OSCP1: variants seen among roughly 807,000 people sequenced by gnomAD.
OSCP1 encodes protein OSCP1.
Under a neutral mutation model 45.1 loss-of-function variants are expected in OSCP1, and 35 were observed. The ratio of observed to expected loss-of-function variants is 0.78; its 90% CI spans 0.59 to 1.03. OSCP1 has a LOEUF of 1.03. OSCP1 is among the 50% of genes least tolerant of loss of function. The pLI is 0.00. For synonymous variants in OSCP1, 179 were observed against 180.1 expected (o/e 0.99, Z 0.05); for missense variants, 400 against 470.7 (o/e 0.85, Z 1.39).
chr1:36,424,625 G>A (rs1647855367), intron 4 of OSCP1, among the ~76,000 whole-genome samples: 2 of 152,180 alleles, frequency 1.3e-5, no homozygotes, highest in Admixed American at 6.5e-5. Context: ...ATGGGGCTGG[G>A]GCAGGGGGAT....
In OSCP1 at chr1:36,419,249, C is replaced by T. The variant is rs146606286; in HGVS notation, c.960-195G>A. On this transcript the variant is annotated intron_variant, in intron 8 of 9. Coordinates refer to ENST00000235532, the MANE Select transcript of OSCP1 (RefSeq NM_145047.5). ...GTTCTTTTATCTCTCTGTGACTTTG[C>T]ACATTATAAGCCCTGCCAAGAATGT... 7.5e-4 allele frequency: 445 copies of T among 589,448 alleles called. 1 individual carries two copies. The highest frequency in any genetic ancestry group is 7.4e-3 in the African/African-American group (399 of 53,682). The allele number at this position is 589,448 out of a possible 1,614,324, so 36.5% of individuals were successfully genotyped here.
At chr1:36,446,087 A>C (rs1346469698) in intron 1 of OSCP1, among the ~76,000 whole-genome samples, 1 of 151,302 alleles carries the variant, frequency 6.6e-6, no homozygotes, top group Non-Finnish European at 1.5e-5. Context: ...CAGTGGCGTG[A>C]TCTCAGCTCA....
intron 1 of OSCP1, among the ~76,000 whole-genome samples, chr1:36,445,019 A>C (rs1273773375): frequency 1.3e-5 from 2 of 152,174 alleles, no homozygotes; most frequent in East Asian, 3.9e-4. Flanking sequence ...TAGAAGAACC[A>C]CCCCTAGATA....
chr1:36,419,810 TTTTG>T (rs1416562167), intron 8 of OSCP1, among the ~76,000 whole-genome samples: 1 of 152,154 alleles, frequency 6.6e-6, no homozygotes, highest in Admixed American at 6.5e-5. Context: ...TCTTTTTTTG[TTTTG>T]TTTATTATCA....
At chr1:36,422,514 C>T (rs1647702227) in intron 6 of OSCP1, among the ~76,000 whole-genome samples, 1 of 152,168 alleles carries the variant, frequency 6.6e-6, no homozygotes, top group African/African-American at 2.4e-5. Context: ...TCCACTGCAA[C>T]ACAGATTTTG....
chr1:36,442,094 G>T (rs140412267), intron 1 of OSCP1, among the ~76,000 whole-genome samples: 3 of 151,980 alleles, frequency 2.0e-5, no homozygotes, highest in African/African-American at 7.3e-5. Context: ...AGGCGTGGTG[G>T]CTCATGCCTG....
intron 1 of OSCP1, among the ~76,000 whole-genome samples, chr1:36,443,117 C>T (rs1649301119): frequency 3.3e-5 from 5 of 152,160 alleles, no homozygotes; most frequent in Non-Finnish European, 7.3e-5. Flanking sequence ...GTGCCCACCA[C>T]CATGCCCAGG....
At chr1:36,432,214 A>G (rs1211069071) in intron 3 of OSCP1, among the ~76,000 whole-genome samples, 1 of 152,162 alleles carries the variant, frequency 6.6e-6, no homozygotes, top group East Asian at 1.9e-4. Flanking sequence ...TGCTTTTCCA[A>G]TTGTGAAGGC....
intron 8 of OSCP1, among the ~76,000 whole-genome samples, chr1:36,419,975 C>T (rs371610924): frequency 6.8e-6 from 1 of 147,926 alleles, no homozygotes; most frequent in Non-Finnish European, 1.5e-5. Context: ...ATCACACCGT[C>T]TCTTTTTTTT....
rs765205202 is a variant in OSCP1 at position 36,431,880 on chromosome 1, T to C, written c.438A>G (p.Ile146Met). The change falls in exon 4 of 10, where the codon ATA becomes ATG. Residue 146 changes from isoleucine (I) to methionine (M), a missense_variant and splice_region_variant. By Grantham distance (10) the Ile-to-Met change is conservative (BLOSUM62 1). Coordinates refer to ENST00000235532, the MANE Select transcript of OSCP1 (RefSeq NM_145047.5). The part of the protein sequence containing the change: ...VDETLRQLTE[I>M]YGGLSAGEFQ... Reference sequence around the variant, plus strand: ...ACTCCCCTGCAGAGAGACCACCATATATCTGCCAAAGGCAAGCAGAAAGCA... The same window carrying C: ...ACTCCCCTGCAGAGAGACCACCATACATCTGCCAAAGGCAAGCAGAAAGCA... 5 of 1,612,816 alleles carry C rather than the reference T, an allele frequency of 3.1e-6. No individual in the cohort carries two copies. The East Asian group carries it at 8.9e-5, about 29-fold the overall frequency.
intron 4 of OSCP1, among the ~76,000 whole-genome samples, chr1:36,429,608 T>C (rs1412563427): frequency 7.0e-6 from 1 of 141,848 alleles, no homozygotes; most frequent in Non-Finnish European, 1.5e-5. Flanking sequence ...GGATCCACCA[T>C]GGCTCACTGC....
In OSCP1 at chr1:36,418,147, C is replaced by T. The variant is rs371467203; in HGVS notation, c.1132G>A (p.Glu378Lys). Residue 378 changes from glutamate to lysine, a missense_variant, in exon 10 of 10, where the codon GAG (glutamate) becomes AAG (lysine). Coordinates refer to ENST00000235532, the MANE Select transcript of OSCP1 (RefSeq NM_145047.5). ...KGDDLLAMMD[E>K]L ...ACGCCTGGTCAGAACAGCTATAACT[C>T]ATCCATCATGGCGAGCAAATCGTCC... The T allele has an allele frequency of 5.0e-6, 8 of 1,613,988 alleles. No individual in the cohort carries two copies. Among genetic ancestry groups the T allele is most frequent in the Non-Finnish European group, 5.9e-6 (7 of 1,179,980 alleles).
intron 2 of OSCP1, among the ~76,000 whole-genome samples, chr1:36,435,477 A>G (rs1367788997): frequency 2.0e-5 from 3 of 152,024 alleles, no homozygotes; most frequent in African/African-American, 7.2e-5. Context: ...GAGAGAGAAG[A>G]GCAAGCAGAA....
At chr1:36,438,559 T>G (rs568331499) in intron 2 of OSCP1, among the ~76,000 whole-genome samples, 197 bp downstream of exon 2, 1 of 152,288 alleles carries the variant, frequency 6.6e-6, no homozygotes, top group South Asian at 2.1e-4. Flanking sequence ...AGGTGGAATG[T>G]CATAAACAAC....
At chr1:36,429,812 A>T (rs1341379251) in intron 4 of OSCP1, among the ~76,000 whole-genome samples, 1 of 139,490 alleles carries the variant, frequency 7.2e-6, no homozygotes, top group Non-Finnish European at 1.5e-5. Flanking sequence ...CAGTAGCATG[A>T]TTTTTTTTTT....
chr1:36,430,432 C>T (rs934596960), intron 4 of OSCP1, among the ~76,000 whole-genome samples: 2 of 152,076 alleles, frequency 1.3e-5, no homozygotes, highest in African/African-American at 4.8e-5. Context: ...GCATAGCCCA[C>T]AAGAGTATGA....
intron 8 of OSCP1, 139 bp downstream of exon 8, chr1:36,420,337 G>C: frequency 9.1e-7 from 1 of 1,098,832 alleles, no homozygotes; most frequent in South Asian, 1.6e-5. Context: ...GGGCTATTTA[G>C]ATTATTAAAT....
At chr1:36,438,444 T>C (rs1157543812) in intron 2 of OSCP1, among the ~76,000 whole-genome samples, 1 of 151,784 alleles carries the variant, frequency 6.6e-6, no homozygotes, top group East Asian at 1.9e-4. Context: ...GAGCTATGAT[T>C]GTACCACTGC....
chr1:36,448,082 T>G (rs1649652901), intron 1 of OSCP1, among the ~76,000 whole-genome samples: 1 of 152,240 alleles, frequency 6.6e-6, no homozygotes, highest in Non-Finnish European at 1.5e-5. Context: ...AATACATTAT[T>G]TCATTCAATC....
Sources: gnomAD v4.1 joint callset for allele counts (sites outside exome capture counted in the v4.1 genomes callset) on GRCh38, gnomAD v4.1.1 for gene constraint, MANE v1.5 for transcripts, NCBI Gene and HGNC (gene_info 2026-07-23, HGNC 2026-07-21) for gene names.